Variants in CDH18 observed in about 807,000 individuals in gnomAD.
CDH18 encodes the protein cadherin 18, also known as cadherin-18.
CDH18 carries 31 observed loss-of-function variants against 67.9 expected under a neutral mutation model. The ratio of observed to expected loss-of-function variants is 0.46; its 90% CI spans 0.34 to 0.62. CDH18 has a LOEUF of 0.62. Ranked by LOEUF, CDH18 falls within the 20% of genes least tolerant of loss-of-function variation. The pLI is 0.01. For missense variants in CDH18, 890 were observed against 975.5 expected, an observed-to-expected ratio of 0.91 and a Z score of 1.17; for synonymous variants, 362 against 347.2, an observed-to-expected ratio of 1.04 and a Z score of -0.48.
chr5:19,794,383 G>C (rs1489014068), intron 3 of CDH18, among the ~76,000 whole-genome samples: 1 of 152,130 alleles, frequency 6.6e-6, no homozygotes, highest in Non-Finnish European at 1.5e-5. Context: ...TTATGTCATA[G>C]ATGGGACATC....
At chr5:19,528,255 T>G (rs1748053839) in intron 9 of CDH18, among the ~76,000 whole-genome samples, 1 of 151,762 alleles carries the variant, frequency 6.6e-6, no homozygotes, top group Admixed American at 6.6e-5. Context: ...CTTTTATCTT[T>G]ATAGAGTATA....
chr5:20,075,522 CA>C (rs36035747), intron 2 of CDH18, among the ~76,000 whole-genome samples: 23,981 of 151,816 alleles, frequency 0.16, 2,699 homozygotes, highest in African/African-American at 0.32. Context: ...AACAAACAAA[CA>C]AAAAAACCTG....
chr5:20,133,547 G>T (rs1461530604), intron 2 of CDH18, among the ~76,000 whole-genome samples: 1 of 152,170 alleles, frequency 6.6e-6, no homozygotes, highest in South Asian at 2.1e-4. Context: ...ATTAAATACA[G>T]AATTATAAGT....
intron 11 of CDH18, among the ~76,000 whole-genome samples, chr5:19,502,347 G>C (rs1743390237): frequency 6.6e-6 from 1 of 152,136 alleles, no homozygotes; most frequent in Admixed American, 6.6e-5. Flanking sequence ...CCTAATGTAT[G>C]AAGAATGACT....
chr5:20,529,626 T>G (rs1173679802), intron 1 of CDH18, among the ~76,000 whole-genome samples: 1 of 151,798 alleles, frequency 6.6e-6, no homozygotes, highest in East Asian at 1.9e-4. Flanking sequence ...TACACAAAAC[T>G]AAAGATAAAA....
intron 2 of CDH18, among the ~76,000 whole-genome samples, chr5:20,245,873 T>G (rs1475142424): frequency 6.6e-6 from 1 of 152,148 alleles, no homozygotes; most frequent in Non-Finnish European, 1.5e-5. Context: ...AATATATACC[T>G]AATGTAGCAA....
chr5:20,071,210 T>G (rs1376782160), intron 2 of CDH18, among the ~76,000 whole-genome samples: 1 of 152,078 alleles, frequency 6.6e-6, no homozygotes, highest in Non-Finnish European at 1.5e-5. Context: ...GTTTTGTGCA[T>G]CAGTGTATTT....
intron 7 of CDH18, among the ~76,000 whole-genome samples, chr5:19,584,404 T>C (rs913241943): frequency 8.5e-5 from 13 of 152,176 alleles, no homozygotes; most frequent in African/African-American, 3.1e-4. Flanking sequence ...TAAAGTGAAC[T>C]GCCTTAGAGA....
chr5:19,810,955 G>A (rs1778576099), intron 3 of CDH18, among the ~76,000 whole-genome samples: 1 of 151,548 alleles, frequency 6.6e-6, no homozygotes, highest in Admixed American at 6.6e-5. Flanking sequence ...CCCAGGAGGT[G>A]AAAGTTGCAG....
chr5:20,333,309 C>A (rs974890344), intron 1 of CDH18, among the ~76,000 whole-genome samples: 2 of 151,728 alleles, frequency 1.3e-5, no homozygotes, highest in African/African-American at 4.8e-5. Context: ...GAGATTGAGA[C>A]CATCTTGGCC....
intron 8 of CDH18, among the ~76,000 whole-genome samples, chr5:19,571,274 C>A (rs1409657352): frequency 3.3e-5 from 5 of 152,136 alleles, no homozygotes; most frequent in Non-Finnish European, 7.3e-5. Flanking sequence ...AATAGATTCT[C>A]TAGTTTGTGA....
chr5:20,306,978 A>G (rs936292124), intron 1 of CDH18, among the ~76,000 whole-genome samples: 3 of 152,186 alleles, frequency 2.0e-5, no homozygotes, highest in South Asian at 2.1e-4. Flanking sequence ...TCATTCAAAT[A>G]GAAATTCTAC....
At chr5:19,606,980 G>C (rs1748154254) in intron 6 of CDH18, among the ~76,000 whole-genome samples, 1 of 151,540 alleles carries the variant, frequency 6.6e-6, no homozygotes, top group East Asian at 1.9e-4. Flanking sequence ...TTCTACAGTT[G>C]ATTTTTCAAT....
At chr5:19,767,510 G>T (rs1416845761) in intron 3 of CDH18, among the ~76,000 whole-genome samples, 1 of 151,890 alleles carries the variant, frequency 6.6e-6, no homozygotes, top group Non-Finnish European at 1.5e-5. Flanking sequence ...TTTTATTAAT[G>T]GATATTATTA....
chr5:20,296,835 T>G (rs1342809864), intron 1 of CDH18, among the ~76,000 whole-genome samples: 4 of 151,894 alleles, frequency 2.6e-5, no homozygotes, highest in Non-Finnish European at 5.9e-5. Flanking sequence ...ACTATGATAT[T>G]TCGATATTCA....
chr5:19,474,493 C>A (rs1290051829), intron 12 of CDH18, among the ~76,000 whole-genome samples: 1 of 151,974 alleles, frequency 6.6e-6, no homozygotes, highest in Non-Finnish European at 1.5e-5. Flanking sequence ...TTGGCGATAA[C>A]CTTGAGCAGT....
intron 3 of CDH18, among the ~76,000 whole-genome samples, chr5:19,827,652 A>G (rs1162513801): frequency 6.6e-6 from 1 of 152,190 alleles, no homozygotes; most frequent in Non-Finnish European, 1.5e-5. Flanking sequence ...TAAGTAAACA[A>G]TGAAATTAAG....
intron 2 of CDH18, among the ~76,000 whole-genome samples, chr5:19,862,987 T>C (rs952476416): frequency 2.0e-5 from 3 of 149,404 alleles, no homozygotes; most frequent in South Asian, 2.2e-4. Flanking sequence ...CAAGAAAAAC[T>C]GTAGGAAAGA....
intron 5 of CDH18, among the ~76,000 whole-genome samples, chr5:19,663,874 G>T (rs955960015): frequency 1.4e-5 from 2 of 143,194 alleles, no homozygotes; most frequent in Admixed American, 1.4e-4. Flanking sequence ...ACACTTAAAA[G>T]ACTTTTTTTT....
Sources: allele counts gnomAD v4.1 joint callset (sites outside exome capture counted in the v4.1 genomes callset), GRCh38; gene constraint gnomAD v4.1.1; transcripts MANE v1.5; gene names NCBI Gene and HGNC (gene_info 2026-07-23, HGNC 2026-07-21).